The following CASK variants were observed in gnomAD, a reference collection of about 807,000 sequenced individuals.
CASK encodes peripheral plasma membrane protein CASK.
A neutral mutation model predicts 82.9 loss-of-function variants in CASK; 4 were observed. The ratio of observed to expected loss-of-function variants is 0.05; its 90% CI spans 0.02 to 0.11. The LOEUF is 0.11. CASK is among the 10% of genes least tolerant of loss of function. CASK has a pLI of 1.00. For synonymous variants in CASK, 259 were observed against 253.5 expected (o/e 1.02, Z -0.20); for missense variants, 358 against 720.9 (o/e 0.50, Z 5.76).
At chrX:41,741,692 A>G (rs899077401) in intron 4 of CASK, among the ~76,000 whole-genome samples, 1 of 111,979 alleles carries the variant, frequency 8.9e-6, no homozygotes, top group East Asian at 2.8e-4. Flanking sequence ...TTCCCAAGTT[A>G]TAACAGAACT....
chrX:41,591,934 AATAC>A (rs2065751604), intron 12 of CASK, among the ~76,000 whole-genome samples: 1 of 111,354 alleles, frequency 9.0e-6, no homozygotes, highest in African/African-American at 3.3e-5. Context: ...AATCTAAGTG[AATAC>A]ATAAAAATAT....
At chrX:41,527,176 G>T (rs927948399) in intron 25 of CASK, among the ~76,000 whole-genome samples, 2 of 108,780 alleles carry the variant, frequency 1.8e-5, no homozygotes, top group Non-Finnish European at 3.8e-5. Flanking sequence ...TCTGGGATTC[G>T]GAGAGAGAGA....
At chrX:41,878,231 C>T (rs2071870954) in intron 1 of CASK, among the ~76,000 whole-genome samples, 1 of 108,670 alleles carries the variant, frequency 9.2e-6, no homozygotes. Flanking sequence ...AATATGTGTG[C>T]CACAGTAAAC....
intron 3 of CASK, among the ~76,000 whole-genome samples, chrX:41,750,594 A>G (rs1164483398): frequency 1.8e-5 from 2 of 112,274 alleles, no homozygotes; most frequent in African/African-American, 6.5e-5. Flanking sequence ...TTTAGTCTGA[A>G]TTGTGAAAAG....
At chrX:41,543,747 C>T (rs1007969809) in intron 21 of CASK, among the ~76,000 whole-genome samples, 6 of 111,617 alleles carry the variant, frequency 5.4e-5, no homozygotes, top group African/African-American at 6.5e-5. Flanking sequence ...TCCAAAATCA[C>T]GATCAGAATG....
intron 25 of CASK, among the ~76,000 whole-genome samples, chrX:41,530,546 G>A (rs1005224842): frequency 6.3e-5 from 7 of 111,861 alleles, no homozygotes; most frequent in African/African-American, 2.3e-4. Flanking sequence ...CTTTCATAAA[G>A]CTAGTGCTGT....
chrX:41,880,999 C>T (rs1291350300), intron 1 of CASK, among the ~76,000 whole-genome samples: 1 of 111,560 alleles, frequency 9.0e-6, no homozygotes, highest in African/African-American at 3.3e-5. Context: ...TCTAGACACA[C>T]ACCGCATCCA....
At chrX:41,668,059 C>T (rs1361182160) in intron 6 of CASK, among the ~76,000 whole-genome samples, 1 of 111,781 alleles carries the variant, frequency 8.9e-6, no homozygotes, top group Non-Finnish European at 1.9e-5. Flanking sequence ...TTAACTAGAA[C>T]CTGACTAGCA....
chrX:41,535,241 T>C (rs1284860101), intron 22 of CASK, among the ~76,000 whole-genome samples: 1 of 111,588 alleles, frequency 9.0e-6, no homozygotes, highest in Non-Finnish European at 1.9e-5. Flanking sequence ...ATCTAAAAGA[T>C]ACTACATATC....
chrX:41,650,032 T>C (rs1317001183), intron 8 of CASK, among the ~76,000 whole-genome samples: 1 of 111,413 alleles, frequency 9.0e-6, no homozygotes, highest in Non-Finnish European at 1.9e-5. Context: ...TTTTGATCTT[T>C]GTTGGTTTAA....
intron 1 of CASK, among the ~76,000 whole-genome samples, chrX:41,910,975 G>A (rs1355766227): frequency 9.0e-6 from 1 of 111,465 alleles, no homozygotes; most frequent in Non-Finnish European, 1.9e-5. Context: ...TGTTGATTAT[G>A]TGAAATACAT....
intron 1 of CASK, among the ~76,000 whole-genome samples, chrX:41,891,838 T>C (rs931553429): frequency 1.8e-5 from 2 of 112,430 alleles, no homozygotes; most frequent in Non-Finnish European, 3.8e-5. Flanking sequence ...GGCCAATTTA[T>C]AGAAAGAATT....
chrX:41,538,825 A>G (rs747303712), intron 22 of CASK, among the ~76,000 whole-genome samples: 25 of 111,933 alleles, frequency 2.2e-4, no homozygotes, highest in Non-Finnish European at 4.5e-4. Context: ...AGCATTGCAC[A>G]CTGGTAGCAT....
intron 4 of CASK, chrX:41,743,600 C>T (rs1331220250): frequency 3.4e-6 from 1 of 295,023 alleles, no homozygotes; most frequent in East Asian, 4.8e-5. Context: ...ATGGCTGCTC[C>T]ATCCCTGAGA....
At chrX:41,590,033 T>A in intron 12 of CASK, 1 of 148,390 alleles carries the variant, frequency 6.7e-6, no homozygotes. Flanking sequence ...GAAACCTAAA[T>A]CTTGGGAAAG....
chrX:41,922,811 C>A, intron 1 of CASK, 119 bp downstream of exon 1: 1 of 613,895 alleles, frequency 1.6e-6, no homozygotes. Flanking sequence ...ATGAGAAGGA[C>A]GAGAGGGGAA....
At chrX:41,660,400 A>G (rs372900113) in intron 8 of CASK, 39 bp downstream of exon 8, 8 of 1,137,910 alleles carry the variant, frequency 7.0e-6, no homozygotes, top group Non-Finnish European at 9.6e-6. Context: ...GGAAGTGTTC[A>G]GACAAAGTGT....
At chrX:41,672,458 G>T (rs888177253) in intron 5 of CASK, among the ~76,000 whole-genome samples, 1 of 111,038 alleles carries the variant, frequency 9.0e-6, no homozygotes, top group Non-Finnish European at 1.9e-5. Context: ...CAAAACAGGG[G>T]CTAGTAAAAA....
intron 11 of CASK, among the ~76,000 whole-genome samples, chrX:41,614,553 G>A (rs1359943778): frequency 2.8e-5 from 3 of 105,554 alleles, no homozygotes; most frequent in South Asian, 4.3e-4. Flanking sequence ...ATAGAGTCTC[G>A]TTCTGTTGCC....
Sources: allele counts gnomAD v4.1 joint callset (sites outside exome capture counted in the v4.1 genomes callset), GRCh38; gene constraint gnomAD v4.1.1; transcripts MANE v1.5; gene names NCBI Gene and HGNC (gene_info 2026-07-23, HGNC 2026-07-21).